The following ENTPD3 variants were observed in gnomAD, a reference collection of about 807,000 sequenced individuals.
The protein encoded by ENTPD3 is ectonucleoside triphosphate diphosphohydrolase 3.
In ENTPD3, 60 loss-of-function variants were observed where a neutral mutation model predicts 51.2. The observed-to-expected ratio is 1.17, with a 90% confidence interval of 0.95 to 1.45. ENTPD3 has a LOEUF of 1.45. Ranked by LOEUF, ENTPD3 falls within the 40% of genes most tolerant of loss-of-function variation. The pLI is 0.00. For synonymous variants in ENTPD3, 221 were observed against 238.4 expected (o/e 0.93, Z 0.67); for missense variants, 593 against 641.1 (o/e 0.93, Z 0.81).
At chr3:40,416,439 A>G (rs1364841016) in intron 7 of ENTPD3, among the ~76,000 whole-genome samples, 1 of 152,160 alleles carries the variant, frequency 6.6e-6, no homozygotes, top group Non-Finnish European at 1.5e-5. Context: ...AGACAAAATA[A>G]TATTAGTGGT....
At chr3:40,412,028 C>T in intron 5 of ENTPD3, 66 bp downstream of exon 5, 1 of 1,434,924 alleles carries the variant, frequency 7.0e-7, no homozygotes, top group Non-Finnish European at 9.3e-7. Context: ...TGAATCTTGC[C>T]AAGAATGTAA....
chr3:40,414,915 G>A, intron 6 of ENTPD3, 75 bp downstream of exon 6: 1 of 1,476,384 alleles, frequency 6.8e-7, no homozygotes, highest in Non-Finnish European at 9.4e-7. Context: ...CTAAGTAGAG[G>A]TACATGCCAT....
intron 3 of ENTPD3, among the ~76,000 whole-genome samples, chr3:40,395,051 GC>G (rs1418425406): frequency 1.3e-5 from 2 of 152,174 alleles, no homozygotes; most frequent in Non-Finnish European, 2.9e-5. Context: ...TGGCCAAGAG[GC>G]AGCTGCTTAC....
intron 1 of ENTPD3, 42 bp from the exon 2 acceptor site, chr3:40,388,004 G>A: frequency 1.9e-6 from 3 of 1,538,592 alleles, no homozygotes; most frequent in Non-Finnish European, 2.7e-6. Flanking sequence ...TGTGAGGCCG[G>A]GGCGGTGGAC....
In ENTPD3 at chr3:40,387,210, G is replaced by C. The variant is rs940735448; in HGVS notation, c.-64G>C. ...CTGACACCTCCTTAGCGCTGGCCGC[G>C]GGCCGCCTCTGCGGCAGCGCTAGTC... is the stretch of plus-strand genomic sequence containing the variant. On this transcript the variant is annotated 5_prime_UTR_variant, in exon 1 of 11. Transcript: ENST00000301825. The C allele has an allele frequency of 2.0e-5, 3 of 152,378 alleles. No homozygotes were observed. The highest frequency in any genetic ancestry group is 4.4e-5 in the Non-Finnish European group (3 of 68,186). 9.4% of individuals were successfully genotyped at this position (152,378 alleles called of 1,614,324 possible). A position where few individuals can be genotyped will look rare whatever the true frequency, so the allele number is the denominator to read the frequency against.
At position 40,416,258 on chromosome 3, in the gene ENTPD3, G is replaced by A. The variant is rs149535731; in HGVS notation, c.831+185G>A. ...CCTCTCTGTCTCTTTCTTCCCCTCC[G>A]TCTCCCTCTCATGTTGCCCACTTCC... On this transcript the variant is annotated intron_variant, in intron 7 of 10. Coordinates refer to ENST00000301825, the MANE Select transcript of ENTPD3 (RefSeq NM_001248.4). 2.4e-4 allele frequency among the ~76,000 whole-genome samples: 37 copies of A among 152,138 alleles called. No individual in the cohort carries two copies. In the East Asian group the frequency reaches 3.9e-3, roughly 16 times the overall value.
At chr3:40,421,318 C>A (rs1955867227) in intron 7 of ENTPD3, among the ~76,000 whole-genome samples, 1 of 152,096 alleles carries the variant, frequency 6.6e-6, no homozygotes, top group Non-Finnish European at 1.5e-5. Flanking sequence ...GCCATCACAC[C>A]CAGCCAAAAG....
At chr3:40,402,582 AT>A (rs1367147710) in intron 4 of ENTPD3, among the ~76,000 whole-genome samples, 1 of 151,996 alleles carries the variant, frequency 6.6e-6, no homozygotes, top group Non-Finnish European at 1.5e-5. Flanking sequence ...ATTCATTGAA[AT>A]TCTTTATAAA....
rs934713625 is a variant in ENTPD3, at chr3:40,425,941, A to C, written c.1354-1331A>C. Among the ~76,000 whole-genome samples the C allele has an allele frequency of 4.6e-5, 7 of 151,240 alleles. No individual in the cohort carries two copies. In the East Asian group the frequency reaches 1.3e-3, roughly 29 times the overall value. On this transcript the variant is annotated intron_variant, in intron 10 of 10. Coordinates refer to ENST00000301825, the MANE Select transcript of ENTPD3 (RefSeq NM_001248.4). ...ATATTAAAAAAAACAGAAAACGAACACTAAAGAAAAGTATTTAAAAAAAAC... is the reference window on the plus strand; with the variant it reads ...ATATTAAAAAAAACAGAAAACGAACCCTAAAGAAAAGTATTTAAAAAAAAC...
intron 4 of ENTPD3, among the ~76,000 whole-genome samples, chr3:40,405,238 G>C (rs951867562): frequency 9.9e-5 from 15 of 152,184 alleles, no homozygotes; most frequent in Non-Finnish European, 2.9e-5. Flanking sequence ...GGGTGCAGTG[G>C]CTCATGCCTG....
chr3:40,408,880 AAAGG>A (rs754065811), intron 4 of ENTPD3, among the ~76,000 whole-genome samples: 38 of 152,182 alleles, frequency 2.5e-4, no homozygotes, highest in Non-Finnish European at 4.4e-4. Flanking sequence ...TAAAAGTAGA[AAAGG>A]AAGTAAGATC....
At chr3:40,389,723 T>C (rs905939392) in intron 2 of ENTPD3, among the ~76,000 whole-genome samples, 1 of 152,222 alleles carries the variant, frequency 6.6e-6, no homozygotes, top group Non-Finnish European at 1.5e-5. Context: ...TTCTGAGCCA[T>C]GAAGACCTAC....
intron 3 of ENTPD3, chr3:40,394,348 C>G: frequency 3.1e-6 from 1 of 321,506 alleles, no homozygotes; most frequent in South Asian, 2.4e-5. Flanking sequence ...TCTTGAACTC[C>G]TGACCTCAGG....
At chr3:40,393,830 G>A (rs935573449) in intron 3 of ENTPD3, among the ~76,000 whole-genome samples, 18 of 151,894 alleles carry the variant, frequency 1.2e-4, no homozygotes, top group Admixed American at 1.1e-3. Flanking sequence ...GGATCACGAG[G>A]TCAGGAGATT....
chr3:40,415,727 G>A, intron 6 of ENTPD3, 113 bp from the exon 7 acceptor site: 3 of 744,650 alleles, frequency 4.0e-6, no homozygotes, highest in Admixed American at 2.6e-5. Context: ...GGCCTCACAT[G>A]CTCCCTCTGT....
intron 1 of ENTPD3, 152 bp from the exon 2 acceptor site, chr3:40,387,894 C>T: frequency 1.7e-6 from 1 of 595,352 alleles, no homozygotes. Flanking sequence ...TTGGGGCTGT[C>T]TCTGAAGTTC....
At chr3:40,418,966 AC>A (rs1360660168) in intron 7 of ENTPD3, among the ~76,000 whole-genome samples, 9 of 152,276 alleles carry the variant, frequency 5.9e-5, no homozygotes, top group African/African-American at 2.2e-4. Flanking sequence ...AAAATTTAAA[AC>A]CATAGAAAGA....
At chr3:40,388,585 GACACAC>G (rs55657804) in intron 2 of ENTPD3, among the ~76,000 whole-genome samples, 3,029 of 126,252 alleles carry the variant, frequency 0.024, 82 homozygotes, top group African/African-American at 0.067. Flanking sequence ...CACACACACA[GACACAC>G]ACACACACAC....
intron 4 of ENTPD3, among the ~76,000 whole-genome samples, chr3:40,403,605 G>A (rs888335501): frequency 9.9e-5 from 15 of 151,956 alleles, no homozygotes; most frequent in African/African-American, 3.6e-4. Context: ...TATATTGCAC[G>A]GCACGGTTTT....
Sources: allele counts gnomAD v4.1 joint callset (sites outside exome capture counted in the v4.1 genomes callset), GRCh38; gene constraint gnomAD v4.1.1; transcripts MANE v1.5; gene names NCBI Gene and HGNC (gene_info 2026-07-23, HGNC 2026-07-21).